Variants in CALN1 observed in about 807,000 individuals in gnomAD.
CALN1 encodes calneuron 1.
In CALN1, 17 loss-of-function variants were observed where a neutral mutation model predicts 30.6. That is an observed-to-expected ratio of 0.56 (90% CI 0.38 to 0.83). CALN1 has a LOEUF of 0.83. CALN1 is among the 40% of genes least tolerant of loss of function. The pLI, the probability that CALN1 is intolerant of heterozygous loss-of-function variation, is 0.00. For synonymous variants in CALN1, 156 were observed against 131.4 expected (o/e 1.19, Z -1.28); for missense variants, 291 against 354.9 (o/e 0.82, Z 1.45).
At chr7:71,926,184 T>C (rs780067037) in intron 5 of CALN1, among the ~76,000 whole-genome samples, 15 of 152,088 alleles carry the variant, frequency 9.9e-5, no homozygotes, top group Non-Finnish European at 1.3e-4. Flanking sequence ...CCCAACCCCC[T>C]AACCACCACA....
At chr7:71,985,682 C>T (rs1206247387) in intron 5 of CALN1, among the ~76,000 whole-genome samples, 1 of 150,814 alleles carries the variant, frequency 6.6e-6, no homozygotes, top group African/African-American at 2.4e-5. Context: ...CCCTGCCTCC[C>T]AGGTTCAAGC....
intron 2 of CALN1, among the ~76,000 whole-genome samples, chr7:72,395,358 C>T (rs1015804171): frequency 2.1e-5 from 3 of 140,310 alleles, no homozygotes; most frequent in Admixed American, 7.2e-5. Flanking sequence ...CGCACGCGCG[C>T]GCACACACAC....
chr7:72,484,623 T>C, the CALN1 span, among the ~76,000 whole-genome samples: 1 of 152,050 alleles, frequency 6.6e-6, no homozygotes, highest in East Asian at 1.9e-4. Flanking sequence ...TCAGGATTCC[T>C]CTGTGCAGCT....
chr7:72,403,283 C>A lies in CALN1; in HGVS notation c.87G>T (p.Pro29=), dbSNP rs549337610. The part of the protein sequence containing the change: ...DGGALGGGEE[P]PRSQAPDFPT... ...GGAAGTCGGGGGCCTGGCTCCTCGG[C>A]GGCTCCTCTCCCCCTCCGAGGGCTC... Residue 29 remains proline, a synonymous_variant, in exon 2 of 7, where the codon CCG becomes CCT. Transcript: ENST00000395275. The A allele has an allele frequency of 6.5e-7, 1 of 1,550,286 alleles. No individual in the cohort carries two copies. Among genetic ancestry groups the A allele is most frequent in the African/African-American group, 1.4e-5 (1 of 73,186 alleles).
At chr7:71,896,406 G>T (rs566538434) in intron 5 of CALN1, among the ~76,000 whole-genome samples, 1 of 152,116 alleles carries the variant, frequency 6.6e-6, no homozygotes, top group Admixed American at 6.6e-5. Flanking sequence ...TTTAATAAAA[G>T]ATTAGGTTTC....
chr7:72,069,123 A>C (rs1804221456), intron 4 of CALN1, among the ~76,000 whole-genome samples: 1 of 152,198 alleles, frequency 6.6e-6, no homozygotes, highest in Non-Finnish European at 1.5e-5. Context: ...AGAGAGGGCA[A>C]GTGACACTGC....
chr7:71,801,424 G>GTATCTATCTATC (rs1302790129), intron 6 of CALN1, among the ~76,000 whole-genome samples: 2,320 of 102,212 alleles, frequency 0.023, 30 homozygotes, highest in Middle Eastern at 0.033. Context: ...ATGTATGTAT[G>GTATCTATCTATC]TATGTATCTA....
rs10677940 is a variant in CALN1 at position 71,944,594 on chromosome 7, C to CAAAAAAAAA, written c.501+79054_501+79062dup. Among the ~76,000 whole-genome samples the CAAAAAAAAA allele has an allele frequency of 3.9e-3, 234 of 59,948 alleles. 1 individual carries two copies. Among genetic ancestry groups the CAAAAAAAAA allele is most frequent in the Non-Finnish European group, 4.7e-3 (161 of 34,002 alleles). 39.3% of individuals were successfully genotyped at this position (59,948 alleles called of 152,430 possible). On this transcript the variant is annotated intron_variant, in intron 5 of 6. Transcript: ENST00000395275. Reference sequence around the variant, plus strand: ...GGGCAATAAGAGTAAAACTCCATCCCAAAAAAAAAAAAAAAAAAAAAAAGA... The same window carrying CAAAAAAAAA: ...GGGCAATAAGAGTAAAACTCCATCCCAAAAAAAAAAAAAAAAAAAAAAAAAAAAAAAAGA...
rs537728573 is a variant in CALN1 at position 72,028,927 on chromosome 7, G to A, written c.389-5158C>T. ...AATCGCTTAAGTCTGGGAGGTGGAG[G>A]TTGCAGTGAGCTGAGATGATGCCAT... On this transcript the variant is annotated intron_variant, in intron 4 of 6. Coordinates refer to ENST00000395275, the MANE Select transcript of CALN1 (RefSeq NM_031468.4). 2.6e-5 allele frequency among the ~76,000 whole-genome samples: 4 copies of A among 152,176 alleles called. No homozygotes were observed. In the East Asian group the frequency reaches 7.8e-4, roughly 30 times the overall value.
At chr7:72,279,915 T>C (rs919428160) in intron 2 of CALN1, among the ~76,000 whole-genome samples, 1 of 151,798 alleles carries the variant, frequency 6.6e-6, no homozygotes, top group African/African-American at 2.4e-5. Flanking sequence ...TCACAAGGAG[T>C]GGGTAGAGAA....
intron 5 of CALN1, among the ~76,000 whole-genome samples, chr7:71,930,815 G>A (rs562088622): frequency 3.5e-4 from 53 of 152,258 alleles, no homozygotes; most frequent in Admixed American, 1.0e-3. Context: ...TCTGGGTCTC[G>A]AAACTCCTTC....
intron 5 of CALN1, among the ~76,000 whole-genome samples, chr7:71,899,179 C>T (rs1195847341): frequency 6.8e-6 from 1 of 147,442 alleles, no homozygotes; most frequent in African/African-American, 2.5e-5. Flanking sequence ...GAGTTTCACT[C>T]GTCGCCCAGG....
At chr7:72,330,691 T>C (rs1801614131) in intron 2 of CALN1, among the ~76,000 whole-genome samples, 1 of 152,318 alleles carries the variant, frequency 6.6e-6, no homozygotes. Flanking sequence ...AATGAAAGCA[T>C]TTTCAAAGAA....
intron 1 of CALN1, among the ~76,000 whole-genome samples, chr7:72,427,821 C>T (rs1807846207): frequency 6.6e-6 from 1 of 152,060 alleles, no homozygotes; most frequent in Non-Finnish European, 1.5e-5. Flanking sequence ...GATCACATCA[C>T]TGTCTTGCTT....
chr7:71,887,117 G>T (rs958528312), intron 5 of CALN1, among the ~76,000 whole-genome samples: 1 of 152,034 alleles, frequency 6.6e-6, no homozygotes, highest in Non-Finnish European at 1.5e-5. Context: ...GTTGGGGAGC[G>T]CCGAGGGATT....
chr7:72,144,630 A>G (rs913546437), intron 3 of CALN1, among the ~76,000 whole-genome samples: 2 of 152,188 alleles, frequency 1.3e-5, no homozygotes, highest in Admixed American at 6.5e-5. Flanking sequence ...GACCTAATAG[A>G]TATCTACAGA....
intron 3 of CALN1, among the ~76,000 whole-genome samples, chr7:72,181,944 G>GT (rs1242834799): frequency 3.3e-5 from 5 of 152,174 alleles, no homozygotes; most frequent in Non-Finnish European, 7.3e-5. Flanking sequence ...ACAAAGACAG[G>GT]TATAGCATGT....
intron 3 of CALN1, among the ~76,000 whole-genome samples, chr7:72,175,788 G>C (rs1480477630): frequency 6.6e-6 from 1 of 152,026 alleles, no homozygotes; most frequent in Admixed American, 6.6e-5. Flanking sequence ...CTAACAACAA[G>C]CAGCCTGAAA....
intron 3 of CALN1, among the ~76,000 whole-genome samples, chr7:72,174,960 T>C (rs1391733115): frequency 6.6e-6 from 1 of 151,554 alleles, no homozygotes; most frequent in African/African-American, 2.4e-5. Context: ...TCTCGCTCTG[T>C]CTTTGGTCTC....
Sources: allele counts gnomAD v4.1 joint callset (sites outside exome capture counted in the v4.1 genomes callset), GRCh38; gene constraint gnomAD v4.1.1; transcripts MANE v1.5; gene names NCBI Gene and HGNC (gene_info 2026-07-23, HGNC 2026-07-21).